Variants in TMCC1 observed in about 807,000 individuals in gnomAD.
TMCC1 encodes the protein transmembrane and coiled-coil domain family 1.
TMCC1 carries 15 observed loss-of-function variants against 52.4 expected under a neutral mutation model. The ratio of observed to expected loss-of-function variants is 0.29; its 90% CI spans 0.19 to 0.44. The LOEUF is 0.44. TMCC1 is among the 20% of genes least tolerant of loss of function. The probability of loss-of-function intolerance (pLI) is 1.00; values close to 1 mark genes in which losing one functional copy is unlikely to be tolerated. For missense variants in TMCC1, 503 were observed against 806.0 expected (o/e 0.62, Z 4.55); for synonymous variants, 279 against 301.9 (o/e 0.92, Z 0.79).
intron 2 of TMCC1, among the ~76,000 whole-genome samples, chr3:129,861,562 G>T (rs1213233264): frequency 6.6e-6 from 1 of 152,038 alleles, no homozygotes; most frequent in Non-Finnish European, 1.5e-5. Flanking sequence ...AACAGAGAAA[G>T]AATTCAAATA....
At chr3:129,884,138 C>T (rs909255164) in intron 1 of TMCC1, among the ~76,000 whole-genome samples, 1 of 151,966 alleles carries the variant, frequency 6.6e-6, no homozygotes, top group Non-Finnish European at 1.5e-5. Context: ...ATGTGCACTA[C>T]AAGAAACATT....
chr3:129,776,118 C>A (rs1258029956), intron 4 of TMCC1, among the ~76,000 whole-genome samples: 2 of 152,192 alleles, frequency 1.3e-5, no homozygotes, highest in African/African-American at 4.8e-5. Flanking sequence ...GCCTTTAGAT[C>A]TCATCTCAAA....
At chr3:129,859,067 AG>A (rs2060266892) in intron 2 of TMCC1, among the ~76,000 whole-genome samples, 1 of 152,196 alleles carries the variant, frequency 6.6e-6, no homozygotes, top group Non-Finnish European at 1.5e-5. Flanking sequence ...AGAATCTTGT[AG>A]GCCATAGCTA....
chr3:129,750,251 C>T (rs1400323415), intron 4 of TMCC1, among the ~76,000 whole-genome samples: 6 of 151,894 alleles, frequency 4.0e-5, no homozygotes, highest in East Asian at 1.9e-4. Context: ...AGTGCAGTGG[C>T]GTGATCTTGG....
intron 1 of TMCC1, chr3:129,892,610 G>A (rs1254812036): frequency 6.6e-6 from 1 of 151,970 alleles, no homozygotes; most frequent in Admixed American, 6.6e-5. Flanking sequence ...TACCTCTGAC[G>A]GCTAGGCTCT....
At chr3:129,774,797 G>A (rs886852428) in intron 4 of TMCC1, among the ~76,000 whole-genome samples, 2 of 152,210 alleles carry the variant, frequency 1.3e-5, no homozygotes, top group Non-Finnish European at 2.9e-5. Context: ...TAGTAGTTTT[G>A]TGTGGCTGTG....
chr3:129,859,694 G>A (rs951600641), intron 2 of TMCC1, among the ~76,000 whole-genome samples: 1 of 149,812 alleles, frequency 6.7e-6, no homozygotes, highest in Non-Finnish European at 1.5e-5. Context: ...ACATACACAC[G>A]TATATACATG....
At chr3:129,743,789 C>G (rs935334666) in intron 4 of TMCC1, among the ~76,000 whole-genome samples, 1 of 152,134 alleles carries the variant, frequency 6.6e-6, no homozygotes, top group East Asian at 1.9e-4. Flanking sequence ...CCCAGAACTT[C>G]AAAAATAAAG....
chr3:129,738,624 A>G (rs2051187202), intron 4 of TMCC1, among the ~76,000 whole-genome samples: 1 of 152,224 alleles, frequency 6.6e-6, no homozygotes, highest in Admixed American at 6.5e-5. Context: ...AGAAACATAA[A>G]CCAAGGCTAG....
At chr3:129,698,174 G>C (rs1162998042) in intron 4 of TMCC1, among the ~76,000 whole-genome samples, 4 of 152,158 alleles carry the variant, frequency 2.6e-5, no homozygotes, top group African/African-American at 9.7e-5. Context: ...AAGAAAAAGA[G>C]GTTTAATGGA....
intron 4 of TMCC1, among the ~76,000 whole-genome samples, chr3:129,758,614 T>A (rs1203483965): frequency 5.3e-5 from 8 of 152,182 alleles, no homozygotes; most frequent in Non-Finnish European, 5.9e-5. Flanking sequence ...TAAAGTTAGT[T>A]TCCAAATTAT....
intron 4 of TMCC1, among the ~76,000 whole-genome samples, chr3:129,685,444 T>C (rs960265113): frequency 1.3e-5 from 2 of 149,048 alleles, no homozygotes; most frequent in Middle Eastern, 3.6e-3. Context: ...ATAAGGCTCA[T>C]TGGAGGAGGT....
At chr3:129,820,823 G>A (rs936066910) in intron 4 of TMCC1, among the ~76,000 whole-genome samples, 52 of 152,198 alleles carry the variant, frequency 3.4e-4, no homozygotes, top group Non-Finnish European at 6.0e-4. Flanking sequence ...TTATAGGCCA[G>A]TAAAACTGCA....
intron 4 of TMCC1, among the ~76,000 whole-genome samples, chr3:129,709,844 T>C (rs2048532965): frequency 6.6e-6 from 1 of 152,070 alleles, no homozygotes; most frequent in Admixed American, 6.6e-5. Context: ...ACGATGTCTA[T>C]CTAGCAATAG....
At chr3:129,653,366 A>C (rs916605536) in intron 6 of TMCC1, among the ~76,000 whole-genome samples, 1 of 152,236 alleles carries the variant, frequency 6.6e-6, no homozygotes, top group African/African-American at 2.4e-5. Context: ...CTTCTTAAGA[A>C]GGGCACACTC....
chr3:129,813,825 A>G (rs960409530), intron 4 of TMCC1, among the ~76,000 whole-genome samples: 5 of 152,098 alleles, frequency 3.3e-5, no homozygotes, highest in Non-Finnish European at 7.4e-5. Context: ...AGATGAAGCT[A>G]TTCCATTTCT....
chr3:129,655,942 G>A (rs893362680), intron 5 of TMCC1, among the ~76,000 whole-genome samples: 1 of 152,202 alleles, frequency 6.6e-6, no homozygotes, highest in Non-Finnish European at 1.5e-5. Flanking sequence ...TGTGAGTAAA[G>A]GGCTGGAGAG....
intron 4 of TMCC1, among the ~76,000 whole-genome samples, chr3:129,715,465 C>T (rs1376904734): frequency 6.6e-6 from 1 of 152,170 alleles, no homozygotes; most frequent in Non-Finnish European, 1.5e-5. Context: ...GAGGCTGAGG[C>T]AGGAGAATCG....
chr3:129,854,715 C>T (rs2060074307), intron 2 of TMCC1, among the ~76,000 whole-genome samples: 1 of 152,230 alleles, frequency 6.6e-6, no homozygotes, highest in South Asian at 2.1e-4. Context: ...TTAACATCTA[C>T]TCCTCCTTCA....
Sources: gnomAD v4.1 joint callset for allele counts (sites outside exome capture counted in the v4.1 genomes callset) on GRCh38, gnomAD v4.1.1 for gene constraint, MANE v1.5 for transcripts, NCBI Gene and HGNC (gene_info 2026-07-23, HGNC 2026-07-21) for gene names.